The following RORA variants were observed in gnomAD, a reference collection of about 807,000 sequenced individuals.
RORA encodes RAR related orphan receptor A.
A neutral mutation model predicts 69.5 loss-of-function variants in RORA; 7 were observed. The ratio of observed to expected loss-of-function variants is 0.10; its 90% confidence interval spans 0.06 to 0.19. The LOEUF is 0.19. RORA is among the 10% of genes least tolerant of loss of function. The probability of loss-of-function intolerance (pLI) is 1.00; values close to 1 mark genes in which losing one functional copy is unlikely to be tolerated. For missense variants in RORA, 457 were observed against 663.0 expected (o/e 0.69, Z 3.41); for synonymous variants, 261 against 240.8 (o/e 1.08, Z -0.78).
intron 2 of RORA, among the ~76,000 whole-genome samples, chr15:60,633,935 A>T (rs2069787060): frequency 6.6e-6 from 1 of 152,252 alleles, no homozygotes; most frequent in Non-Finnish European, 1.5e-5. Flanking sequence ...GAGAGATGCA[A>T]GGTATTATGT....
chr15:60,828,721 G>C (rs2072999045), intron 1 of RORA, among the ~76,000 whole-genome samples: 1 of 152,194 alleles, frequency 6.6e-6, no homozygotes. Context: ...TTCGTTAATA[G>C]CTTCTCTAAG....
chr15:60,573,175 A>G (rs553217568), intron 2 of RORA, among the ~76,000 whole-genome samples: 7 of 152,328 alleles, frequency 4.6e-5, no homozygotes, highest in African/African-American at 1.7e-4. Flanking sequence ...TGTAAGCAGC[A>G]TGATTGAACC....
At chr15:60,764,819 T>G (rs191186893) in intron 1 of RORA, 1 of 152,338 alleles carries the variant, frequency 6.6e-6, no homozygotes, top group East Asian at 1.9e-4. Context: ...ACCACATTGC[T>G]TTATGATCGT....
chr15:60,705,922 A>T (rs1167538560), intron 1 of RORA, among the ~76,000 whole-genome samples: 2 of 152,130 alleles, frequency 1.3e-5, no homozygotes, highest in African/African-American at 2.4e-5. Context: ...TACAGATAAT[A>T]TCTAATTAAT....
At chr15:60,592,546 T>C in intron 2 of RORA, 1 of 1,270,704 alleles carries the variant, frequency 7.9e-7, no homozygotes. Context: ...CCGAGAGCCA[T>C]CCCGAGCCAT....
chr15:61,104,639 C>G lies in RORA; in HGVS notation c.166+124414G>C, dbSNP rs190709446. ...CCTCATGTTTTAGCCCACTCTCCCC[C>G]ACTCTCTACTCAGCTCCACTGAAGG... On this transcript the variant is annotated intron_variant, in intron 1 of 10. Transcript: ENST00000335670. Among the ~76,000 whole-genome samples the G allele has an allele frequency of 1.4e-3, 209 of 152,298 alleles. 1 individual carries two copies. Among genetic ancestry groups the G allele is most frequent in the Admixed American group, 2.5e-3 (38 of 15,294 alleles).
chr15:60,820,995 G>C (rs900614369), intron 1 of RORA, among the ~76,000 whole-genome samples: 1 of 138,854 alleles, frequency 7.2e-6, no homozygotes. Context: ...TATGCTTCTA[G>C]ACTCTCTGGA....
intron 1 of RORA, among the ~76,000 whole-genome samples, chr15:60,946,986 GTCCGGCAGCCGCC>G: frequency 6.6e-6 from 1 of 151,734 alleles, no homozygotes; most frequent in South Asian, 2.1e-4. Context: ...GAGCCCCTCC[GTCCGGCAGCCGCC>G]CCTTCCGGGA....
intron 2 of RORA, among the ~76,000 whole-genome samples, chr15:60,647,792 T>C (rs1294574657): frequency 6.6e-6 from 1 of 152,236 alleles, no homozygotes; most frequent in East Asian, 1.9e-4. Context: ...TGCCCATTAT[T>C]GATATAGAGC....
At chr15:61,203,598 C>A (rs552831754) in intron 1 of RORA, among the ~76,000 whole-genome samples, 7 of 152,208 alleles carry the variant, frequency 4.6e-5, no homozygotes, top group African/African-American at 1.7e-4. Flanking sequence ...ATGAGTAGAT[C>A]ACTCATATAT....
intron 1 of RORA, among the ~76,000 whole-genome samples, chr15:60,840,798 T>C (rs1227398075): frequency 6.6e-6 from 1 of 152,202 alleles, no homozygotes; most frequent in Non-Finnish European, 1.5e-5. Flanking sequence ...TAATCCTGTC[T>C]CCGTGGCCCG....
chr15:60,536,214 A>G (rs2066673006), intron 2 of RORA, among the ~76,000 whole-genome samples: 1 of 152,246 alleles, frequency 6.6e-6, no homozygotes, highest in Non-Finnish European at 1.5e-5. Flanking sequence ...TACATAAATG[A>G]CATACCATAT....
intron 2 of RORA, among the ~76,000 whole-genome samples, chr15:60,672,180 C>G (rs539358057): frequency 6.6e-6 from 1 of 152,294 alleles, no homozygotes; most frequent in African/African-American, 2.4e-5. Flanking sequence ...ATTCCCCTTT[C>G]TTACAATCAG....
rs761688939 is a variant in RORA, at chr15:61,213,722, C to T, written c.166+15331G>A. The T allele has an allele frequency of 6.6e-6, 1 of 152,218 alleles. No homozygotes were observed. The highest frequency in any genetic ancestry group is 1.5e-5 in the Non-Finnish European group (1 of 68,044). 9.4% of individuals were successfully genotyped at this position (152,218 alleles called of 1,614,324 possible). A position where few individuals can be genotyped will look rare whatever the true frequency, so the allele number is the denominator to read the frequency against. ...GTTATAGGTTTCCTAAGTATCTCTA[C>T]TATAGCATGCTACATCTTTTTAAAG... On this transcript the variant is annotated intron_variant, in intron 1 of 10. Coordinates refer to ENST00000335670, the MANE Select transcript of RORA (RefSeq NM_134261.3). The surrounding 1 kb of genome is among the most constrained non-coding windows in gnomAD (Gnocchi z 4.1).
intron 3 of RORA, among the ~76,000 whole-genome samples, chr15:60,521,810 T>G (rs1458306492): frequency 6.6e-6 from 1 of 152,076 alleles, no homozygotes; most frequent in Non-Finnish European, 1.5e-5. Flanking sequence ...TGACACAGAG[T>G]CCCTACATAT....
At chr15:61,004,305 G>A (rs114009442) in intron 1 of RORA, among the ~76,000 whole-genome samples, 264 of 151,466 alleles carry the variant, frequency 1.7e-3, no homozygotes, top group African/African-American at 5.9e-3. Context: ...AGACTAATAC[G>A]TACAATACAA....
intron 1 of RORA, among the ~76,000 whole-genome samples, chr15:61,154,320 A>G (rs933790373): frequency 1.4e-4 from 22 of 152,132 alleles, no homozygotes; most frequent in African/African-American, 5.1e-4. Flanking sequence ...TACATACCAG[A>G]CTTCCCTGAG....
At chr15:61,051,160 G>T (rs529399329) in intron 1 of RORA, among the ~76,000 whole-genome samples, 1 of 152,330 alleles carries the variant, frequency 6.6e-6, no homozygotes, top group Admixed American at 6.5e-5. Context: ...AGCAGGGTGT[G>T]GAAGGATGGC....
Position 61,208,424 on chromosome 15 carries a change from C to T in RORA, c.166+20629G>A, listed in dbSNP as rs138649245. 4.8e-3 allele frequency among the ~76,000 whole-genome samples: 737 copies of T among 152,188 alleles called. 4 individuals carry two copies. The highest frequency in any genetic ancestry group is 0.017 in the African/African-American group (704 of 41,534). On this transcript the variant is annotated intron_variant, in intron 1 of 10. Coordinates refer to ENST00000335670, the MANE Select transcript of RORA (RefSeq NM_134261.3). ...GCTAGGAAGGAGGAGTAACAGCAAA[C>T]GGGCATGTGGATCTTCTGGGGCTGA...
Sources: allele counts gnomAD v4.1 joint callset (sites outside exome capture counted in the v4.1 genomes callset), GRCh38; gene constraint gnomAD v4.1.1; non-coding constraint Gnocchi (gnomAD v3.1); transcripts MANE v1.5; gene names NCBI Gene and HGNC (gene_info 2026-07-23, HGNC 2026-07-21).